ST6GALNAC3: variants seen among roughly 807,000 people sequenced by gnomAD.
ST6GALNAC3 encodes ST6 N-acetylgalactosaminide alpha-2,6-sialyltransferase 3.
Under a neutral mutation model 32.7 loss-of-function variants are expected in ST6GALNAC3, and 25 were observed. That is an observed-to-expected ratio of 0.76 (90% CI 0.56 to 1.07). The LOEUF is 1.07. Among genes scored for constraint, ST6GALNAC3 ranks in the 50% least tolerant of loss-of-function variants. The pLI is 0.00. For missense variants in ST6GALNAC3, 355 were observed against 382.4 expected (o/e 0.93, Z 0.60); for synonymous variants, 129 against 133.1 (o/e 0.97, Z 0.21).
chr1:76,629,616 C>A lies in ST6GALNAC3; in HGVS notation c.*810C>A. ...AGAAGGCTACTTAACATGTAAGATA[C>A]CAACTTCAACACTGTAATAACATAT... On this transcript the variant is annotated 3_prime_UTR_variant, in exon 5 of 5. Transcript: ENST00000328299. 1.0e-6 allele frequency: 1 copy of A among 984,474 alleles called. No homozygotes were observed. Among genetic ancestry groups the A allele is most frequent in the Non-Finnish European group, 1.2e-6 (1 of 828,848 alleles). The allele number at this position is 984,474 out of a possible 1,614,324, so 61.0% of individuals were successfully genotyped here.
At chr1:76,211,792 G>C (rs1183416972) in intron 1 of ST6GALNAC3, among the ~76,000 whole-genome samples, 3 of 151,678 alleles carry the variant, frequency 2.0e-5, no homozygotes, top group Non-Finnish European at 4.4e-5. Context: ...TTGTGGGGTG[G>C]GGGGAGCGGG....
intron 1 of ST6GALNAC3, among the ~76,000 whole-genome samples, chr1:76,254,556 T>TGA (rs1657807156): frequency 1.3e-5 from 2 of 152,166 alleles, no homozygotes; most frequent in East Asian, 1.9e-4. Context: ...GGGAAAATGG[T>TGA]GAGAGAGAGA....
intron 1 of ST6GALNAC3, among the ~76,000 whole-genome samples, chr1:76,163,214 ATT>A (rs1651920888): frequency 6.6e-6 from 1 of 152,172 alleles, no homozygotes; most frequent in Admixed American, 6.5e-5. Flanking sequence ...TAGTTATATG[ATT>A]TTAAAAGTTG....
rs115630804 is a variant in ST6GALNAC3, at chr1:76,251,670, A to C, written c.19-62135A>C. 5.5e-3 allele frequency among the ~76,000 whole-genome samples: 830 copies of C among 152,218 alleles called. 6 individuals are homozygous for C. Among genetic ancestry groups the C allele is most frequent in the African/African-American group, 0.017 (700 of 41,542 alleles). Reference sequence around the variant, plus strand: ...TTGAGATCCACGGCAACTTGCGTAGACTTCTGTTATGATTCTTATCATACT... The same window carrying C: ...TTGAGATCCACGGCAACTTGCGTAGCCTTCTGTTATGATTCTTATCATACT... On this transcript the variant is annotated intron_variant, in intron 1 of 4. Coordinates refer to ENST00000328299, the MANE Select transcript of ST6GALNAC3 (RefSeq NM_152996.4).
At chr1:76,208,595 C>T (rs912935262) in intron 1 of ST6GALNAC3, among the ~76,000 whole-genome samples, 2 of 152,248 alleles carry the variant, frequency 1.3e-5, no homozygotes, top group East Asian at 3.9e-4. Flanking sequence ...GTTTTAGTGT[C>T]AAGCCATTAA....
chr1:76,341,618 T>TTTC, intron 2 of ST6GALNAC3, among the ~76,000 whole-genome samples: 1 of 114,068 alleles, frequency 8.8e-6, no homozygotes, highest in Admixed American at 8.9e-5. Flanking sequence ...TCTTTCTTTC[T>TTTC]TTCTTTCTTT....
chr1:76,447,774 G>T (rs976415362), intron 3 of ST6GALNAC3, among the ~76,000 whole-genome samples: 4 of 152,170 alleles, frequency 2.6e-5, no homozygotes, highest in African/African-American at 9.7e-5. Context: ...TGAGCCTGCG[G>T]GTGCACGGAA....
intron 2 of ST6GALNAC3, among the ~76,000 whole-genome samples, chr1:76,348,872 T>A (rs1375221371): frequency 6.6e-6 from 1 of 152,206 alleles, no homozygotes; most frequent in African/African-American, 2.4e-5. Flanking sequence ...CTTTTTTGAC[T>A]AAGTGAGAGA....
At chr1:76,234,886 G>A (rs490570) in intron 1 of ST6GALNAC3, among the ~76,000 whole-genome samples, 57,733 of 152,052 alleles carry the variant, frequency 0.38, 12,943 homozygotes, top group African/African-American at 0.63. Flanking sequence ...ATTGCAAAGA[G>A]TCCTTCACAA....
intron 1 of ST6GALNAC3, among the ~76,000 whole-genome samples, chr1:76,197,385 G>A (rs1422543126): frequency 6.6e-6 from 1 of 152,012 alleles, no homozygotes; most frequent in African/African-American, 2.4e-5. Flanking sequence ...GTCAGTCTGG[G>A]AGACACTAAA....
chr1:76,123,169 C>T (rs535943152), intron 1 of ST6GALNAC3, among the ~76,000 whole-genome samples: 3 of 152,130 alleles, frequency 2.0e-5, no homozygotes, highest in African/African-American at 4.8e-5. Flanking sequence ...GTCAGGAGTT[C>T]GAGACCAGCC....
chr1:76,376,302 A>G (rs74635981), intron 2 of ST6GALNAC3, among the ~76,000 whole-genome samples: 2,425 of 152,200 alleles, frequency 0.016, 69 homozygotes, highest in African/African-American at 0.055. Context: ...TATTTCACCA[A>G]TTTTACATGC....
chr1:76,140,210 A>ATATCAAGAAC (rs1338555427), intron 1 of ST6GALNAC3, among the ~76,000 whole-genome samples: 2 of 152,216 alleles, frequency 1.3e-5, no homozygotes, highest in Admixed American at 1.3e-4. Context: ...GTGGAAGTAG[A>ATATCAAGAAC]TATCAAGAAC....
chr1:76,433,160 G>A (rs1655893896), intron 3 of ST6GALNAC3, among the ~76,000 whole-genome samples: 1 of 151,970 alleles, frequency 6.6e-6, no homozygotes, highest in South Asian at 2.1e-4. Flanking sequence ...TTTGATCACT[G>A]TCTTTTCTCT....
chr1:76,111,832 C>T (rs1647969885), intron 1 of ST6GALNAC3, among the ~76,000 whole-genome samples: 1 of 151,854 alleles, frequency 6.6e-6, no homozygotes, highest in Non-Finnish European at 1.5e-5. Flanking sequence ...TCTCCCATGT[C>T]TACCTCTTTC....
At chr1:76,322,728 C>T (rs902877371) in intron 2 of ST6GALNAC3, among the ~76,000 whole-genome samples, 2 of 152,104 alleles carry the variant, frequency 1.3e-5, no homozygotes, top group Non-Finnish European at 2.9e-5. Flanking sequence ...GCTTTTATAT[C>T]AAATGTTATC....
chr1:76,311,524 T>C (rs1174423278), intron 1 of ST6GALNAC3, among the ~76,000 whole-genome samples: 1 of 152,136 alleles, frequency 6.6e-6, no homozygotes, highest in South Asian at 2.1e-4. Flanking sequence ...AGTGAGAACA[T>C]GTGGGGTTTG....
At chr1:76,441,757 C>A (rs1158590763) in intron 3 of ST6GALNAC3, among the ~76,000 whole-genome samples, 1 of 152,044 alleles carries the variant, frequency 6.6e-6, no homozygotes, top group Non-Finnish European at 1.5e-5. Flanking sequence ...TCCCACCTCC[C>A]CCCACCCTTC....
chr1:76,385,265 A>T (rs2101128554), intron 2 of ST6GALNAC3, among the ~76,000 whole-genome samples: 1 of 152,202 alleles, frequency 6.6e-6, no homozygotes, highest in Non-Finnish European at 1.5e-5. Context: ...CCTCCAAAAA[A>T]CTTACTTTTG....
Sources: allele counts gnomAD v4.1 joint callset (sites outside exome capture counted in the v4.1 genomes callset), GRCh38; gene constraint gnomAD v4.1.1; transcripts MANE v1.5; gene names NCBI Gene and HGNC (gene_info 2026-07-23, HGNC 2026-07-21).